Variants in MTUS2 observed in about 807,000 individuals in gnomAD.
The protein encoded by MTUS2 is microtubule-associated tumor suppressor candidate 2.
MTUS2 carries 40 observed loss-of-function variants against 114.1 expected under a neutral mutation model. That is an observed-to-expected ratio of 0.35 (90% CI 0.27 to 0.46). The LOEUF (loss-of-function observed/expected upper bound fraction) is 0.46, where lower values mean the gene tolerates loss of function less well. Among genes scored for constraint, MTUS2 ranks in the 20% least tolerant of loss-of-function variants. The probability of loss-of-function intolerance (pLI) is 1.00; values close to 1 mark genes in which losing one functional copy is unlikely to be tolerated. For missense variants in MTUS2, 1,679 were observed against 1,705.4 expected, an observed-to-expected ratio of 0.98 and a Z score of 0.27; for synonymous variants, 688 against 672.0, an observed-to-expected ratio of 1.02 and a Z score of -0.37.
intron 8 of MTUS2, among the ~76,000 whole-genome samples, chr13:29,409,322 C>A (rs182927012): frequency 3.0e-4 from 46 of 152,068 alleles, no homozygotes; most frequent in African/African-American, 1.1e-3. Context: ...TCAAAAAAAA[C>A]AAAAAATCAA....
intron 5 of MTUS2, among the ~76,000 whole-genome samples, chr13:29,136,249 C>T (rs1360244677): frequency 6.6e-6 from 1 of 152,168 alleles, no homozygotes; most frequent in East Asian, 1.9e-4. Flanking sequence ...TTAATTTCTC[C>T]TCACTTTTAA....
At chr13:28,850,206 A>ACT (rs1298626557) in intron 2 of MTUS2, among the ~76,000 whole-genome samples, 2 of 152,226 alleles carry the variant, frequency 1.3e-5, no homozygotes, top group African/African-American at 4.8e-5. Context: ...CTGAAGGAGT[A>ACT]CTTTTATATT....
At chr13:29,024,384 GT>G (rs1425171617) in intron 2 of MTUS2, 72 bp from the exon 3 acceptor site, 1 of 309,312 alleles carries the variant, frequency 3.2e-6, no homozygotes, top group Non-Finnish European at 5.9e-6. Context: ...AAATAAATCT[GT>G]GTTTACCACT....
intron 5 of MTUS2, among the ~76,000 whole-genome samples, chr13:29,121,481 G>T (rs767585602): frequency 1.1e-4 from 16 of 151,936 alleles, no homozygotes; most frequent in Non-Finnish European, 2.4e-4. Context: ...GAGTGAGTGA[G>T]CACAGGCAGT....
chr13:29,069,862 T>C (rs1484655169), intron 4 of MTUS2, among the ~76,000 whole-genome samples: 2 of 152,228 alleles, frequency 1.3e-5, no homozygotes, highest in African/African-American at 4.8e-5. Context: ...CTGTTACTTT[T>C]GACCTTTGGT....
chr13:28,993,864 T>G (rs1454200198), intron 2 of MTUS2, among the ~76,000 whole-genome samples: 1 of 152,074 alleles, frequency 6.6e-6, no homozygotes, highest in African/African-American at 2.4e-5. Flanking sequence ...TTTTCATTTA[T>G]GTATATTCTA....
chr13:29,468,409 T>C (rs1457522620), intron 9 of MTUS2, among the ~76,000 whole-genome samples: 1 of 152,054 alleles, frequency 6.6e-6, no homozygotes, highest in Non-Finnish European at 1.5e-5. Context: ...TGAAACCTTG[T>C]CTCTACTAAA....
At position 29,505,188 on chromosome 13, in the gene MTUS2, CAACCTGCA is replaced by C. The variant is rs541715977; in HGVS notation, c.*1986_*1993del. On this transcript the variant is annotated 3_prime_UTR_variant, in exon 16 of 16. Transcript: ENST00000612955. ...CAAGTATTTATTCTAGTAGCAGGCACAACCTGCAAACACAAATTCAGTTACAGCTTAGC... is the reference window on the plus strand; with the variant it reads ...CAAGTATTTATTCTAGTAGCAGGCACAACACAAATTCAGTTACAGCTTAGC... 1 of 232,190 alleles carries C rather than the reference CAACCTGCA, an allele frequency of 4.3e-6. No homozygotes were observed. The highest frequency in any genetic ancestry group is 1.8e-4 in the South Asian group (1 of 5,512). The allele number at this position is 232,190 out of a possible 1,614,324, so 14.4% of individuals were successfully genotyped here. A position where few individuals can be genotyped will look rare whatever the true frequency, so the allele number is the denominator to read the frequency against.
At chr13:28,884,636 G>A (rs1878483495) in intron 2 of MTUS2, among the ~76,000 whole-genome samples, 1 of 152,182 alleles carries the variant, frequency 6.6e-6, no homozygotes, top group Non-Finnish European at 1.5e-5. Flanking sequence ...ACGGGAGTGA[G>A]TGCATTTGAA....
At chr13:29,088,558 T>G (rs1332811068) in intron 4 of MTUS2, among the ~76,000 whole-genome samples, 1 of 152,232 alleles carries the variant, frequency 6.6e-6, no homozygotes, top group African/African-American at 2.4e-5. Flanking sequence ...ATTTCTAATG[T>G]CAGTTAGGTG....
intron 5 of MTUS2, among the ~76,000 whole-genome samples, chr13:29,231,028 T>C (rs1896302898): frequency 6.6e-6 from 1 of 152,212 alleles, no homozygotes; most frequent in African/African-American, 2.4e-5. Flanking sequence ...AATACCATGT[T>C]GTACATCTGA....
intron 2 of MTUS2, among the ~76,000 whole-genome samples, chr13:28,963,491 T>C (rs1283534334): frequency 6.6e-6 from 1 of 152,244 alleles, no homozygotes; most frequent in East Asian, 1.9e-4. Context: ...AAAAATGGTC[T>C]GTTTAAACAC....
intron 5 of MTUS2, among the ~76,000 whole-genome samples, chr13:29,262,033 A>C (rs1897492327): frequency 6.6e-6 from 1 of 152,260 alleles, no homozygotes; most frequent in African/African-American, 2.4e-5. Flanking sequence ...GGCAAATATT[A>C]AAGAAAATTT....
intron 5 of MTUS2, among the ~76,000 whole-genome samples, chr13:29,215,950 G>T (rs961119689): frequency 6.6e-6 from 1 of 152,198 alleles, no homozygotes; most frequent in African/African-American, 2.4e-5. Context: ...AGGCAGGAAC[G>T]TTTAAGTCTG....
At chr13:29,448,641 A>G (rs191442776) in intron 9 of MTUS2, among the ~76,000 whole-genome samples, 7 of 150,600 alleles carry the variant, frequency 4.6e-5, no homozygotes, top group Non-Finnish European at 1.0e-4. Context: ...AAGCCAGGCC[A>G]CTGGTTTTCA....
chr13:29,082,769 G>C (rs1052541102), intron 4 of MTUS2, among the ~76,000 whole-genome samples: 2 of 152,110 alleles, frequency 1.3e-5, no homozygotes, highest in Admixed American at 1.3e-4. Flanking sequence ...CACATGGCCA[G>C]AATTTGGTAT....
chr13:28,922,914 A>G (rs552999330), intron 2 of MTUS2, among the ~76,000 whole-genome samples: 15 of 152,274 alleles, frequency 9.9e-5, no homozygotes, highest in African/African-American at 3.4e-4. Context: ...TGTTCCACCA[A>G]CATTTCTTAA....
chr13:28,918,572 G>A (rs142160980), intron 2 of MTUS2, among the ~76,000 whole-genome samples: 63 of 151,820 alleles, frequency 4.1e-4, no homozygotes, highest in Middle Eastern at 3.4e-3. Flanking sequence ...GTGAAGTGTG[G>A]TTTTTTTGTG....
At chr13:29,410,127 C>CT (rs35822838) in intron 8 of MTUS2, among the ~76,000 whole-genome samples, 3 of 146,638 alleles carry the variant, frequency 2.0e-5, no homozygotes, top group African/African-American at 7.4e-5. Flanking sequence ...TGCTGTTGTA[C>CT]TTTTTTTTTT....
Sources: allele counts gnomAD v4.1 joint callset (sites outside exome capture counted in the v4.1 genomes callset), GRCh38; gene constraint gnomAD v4.1.1; transcripts MANE v1.5; gene names NCBI Gene and HGNC (gene_info 2026-07-23, HGNC 2026-07-21).